Variants in RBFOX3 observed in about 807,000 individuals in gnomAD.
RBFOX3 encodes the protein RNA binding protein fox-1 homolog 3.
RBFOX3 carries 17 observed loss-of-function variants against 48.7 expected under a neutral mutation model. The observed-to-expected ratio is 0.35, with a 90% CI of 0.24 to 0.52. RBFOX3 has a LOEUF of 0.52. Ranked by LOEUF, RBFOX3 falls within the 20% of genes least tolerant of loss-of-function variation. RBFOX3 has a pLI of 0.94. For synonymous variants in RBFOX3, 212 were observed against 209.5 expected, an observed-to-expected ratio of 1.01 and a Z score of -0.10; for missense variants, 382 against 497.5, an observed-to-expected ratio of 0.77 and a Z score of 2.21.
Position 79,290,963 on chromosome 17 carries a change from C to T in RBFOX3, c.-74+16761G>A, listed in dbSNP as rs74912246. On this transcript the variant is annotated intron_variant, in intron 3 of 14. Transcript: ENST00000693108. The stretch of plus-strand genomic sequence containing the variant: ...AGGCAGCTCAGCTCAGCTCAGCCTG[C>T]GTGGCTCTCTGCCTTTCTGGAAGGA... 4.6e-3 allele frequency among the ~76,000 whole-genome samples: 703 copies of T among 152,290 alleles called. 8 individuals carry two copies. Among genetic ancestry groups the T allele is most frequent in the African/African-American group, 0.016 (651 of 41,568 alleles).
chr17:79,252,656 C>T lies in RBFOX3; in HGVS notation c.-73-16851G>A, dbSNP rs75652527. Among the ~76,000 whole-genome samples the T allele has an allele frequency of 6.9e-3, 1,044 of 152,298 alleles. 7 individuals carry two copies. Among genetic ancestry groups the T allele is most frequent in the African/African-American group, 0.024 (980 of 41,560 alleles). ...GCCACCCATCCAGCTCGTTTCAAGC[C>T]GCTACGTTTGTTTGCGACGGCGGCA... On this transcript the variant is annotated intron_variant, in intron 3 of 14. Transcript: ENST00000693108. This position sits in a 1 kb window ranked among gnomAD's most constrained non-coding sequence, Gnocchi z 4.0.
chr17:79,095,921 C>G (rs1483543579), intron 12 of RBFOX3, among the ~76,000 whole-genome samples: 2 of 152,218 alleles, frequency 1.3e-5, no homozygotes, highest in African/African-American at 4.8e-5. Flanking sequence ...GGTGCTAGGC[C>G]TTGGCAAGGA....
At chr17:79,470,657 T>C (rs2076952710) in intron 2 of RBFOX3, among the ~76,000 whole-genome samples, 1 of 151,550 alleles carries the variant, frequency 6.6e-6, no homozygotes, top group Middle Eastern at 3.4e-3. Flanking sequence ...AGCCCACGCA[T>C]GTGCCTCCTC....
At chr17:79,454,064 G>A (rs1439269867) in intron 2 of RBFOX3, among the ~76,000 whole-genome samples, 2 of 152,120 alleles carry the variant, frequency 1.3e-5, no homozygotes, top group African/African-American at 4.8e-5. Flanking sequence ...TTGCACAGGA[G>A]GGCACCTCTC....
rs1262141145 is a variant in RBFOX3, at chr17:79,103,591, C to A, written c.415-337G>T. Among the ~76,000 whole-genome samples, 1 of 152,186 alleles carries A rather than the reference C, an allele frequency of 6.6e-6. No homozygotes were observed. The highest frequency in any genetic ancestry group is 1.5e-5 in the Non-Finnish European group (1 of 68,030). The stretch of plus-strand genomic sequence containing the variant: ...CCACAGGCCAGGCCTGCCCCCTGAA[C>A]CCCACCTTGGGGTAGGGGGCCCAGG... On this transcript the variant is annotated intron_variant, in intron 7 of 14. Coordinates refer to ENST00000693108, the MANE Select transcript of RBFOX3 (RefSeq NM_001350451.2). This position sits in a 1 kb window ranked among gnomAD's most constrained non-coding sequence, Gnocchi z 6.1.
chr17:79,166,230 G>A (rs561946149), intron 4 of RBFOX3, among the ~76,000 whole-genome samples: 1 of 149,578 alleles, frequency 6.7e-6, no homozygotes, highest in South Asian at 2.2e-4. Context: ...ACCAGTGTGG[G>A]AGGGGCTCCT....
the RBFOX3 span, among the ~76,000 whole-genome samples, chr17:79,620,203 G>GCC: frequency 7.1e-6 from 1 of 140,364 alleles, no homozygotes. Context: ...GCACACACGT[G>GCC]CACATGCACA....
chr17:79,625,961 A>G, the RBFOX3 span, among the ~76,000 whole-genome samples: 3 of 152,180 alleles, frequency 2.0e-5, no homozygotes, highest in African/African-American at 7.2e-5. Flanking sequence ...TGGGGGGACG[A>G]GGTGCTGTTT....
intron 1 of RBFOX3, among the ~76,000 whole-genome samples, chr17:79,567,112 T>C (rs922460039): frequency 3.3e-5 from 5 of 151,978 alleles, no homozygotes; most frequent in Non-Finnish European, 5.9e-5. Context: ...TCTGCTTCCA[T>C]GAGCTCAACT....
chr17:79,105,481 C>G (rs951344673), intron 6 of RBFOX3, among the ~76,000 whole-genome samples: 6 of 152,234 alleles, frequency 3.9e-5, no homozygotes, highest in African/African-American at 1.4e-4. Context: ...AACCTGGCAG[C>G]TTGCTCAGGA....
chr17:79,282,785 A>C (rs979593292), intron 3 of RBFOX3, among the ~76,000 whole-genome samples: 4 of 152,218 alleles, frequency 2.6e-5, no homozygotes, highest in Admixed American at 6.5e-5. Context: ...ATCAGTCCAA[A>C]GTGTGAGGGC....
In RBFOX3 at chr17:79,166,158, C is replaced by A. The variant is rs577203606; in HGVS notation, c.-33-50410G>T. Among the ~76,000 whole-genome samples, 82 of 152,310 alleles carry A rather than the reference C, an allele frequency of 5.4e-4. 1 individual carries two copies. The highest frequency in any genetic ancestry group is 1.9e-3 in the African/African-American group (78 of 41,582). ...CCACGCCCACCCCTCCTGTTCCCCCCCCGGGCAGGTAAGGGCGAACCTTGG... is the reference window on the plus strand; with the variant it reads ...CCACGCCCACCCCTCCTGTTCCCCCACCGGGCAGGTAAGGGCGAACCTTGG... On this transcript the variant is annotated intron_variant, in intron 4 of 14. Coordinates refer to ENST00000693108, the MANE Select transcript of RBFOX3 (RefSeq NM_001350451.2).
chr17:79,330,231 C>T (rs1234966695), intron 2 of RBFOX3, among the ~76,000 whole-genome samples: 1 of 152,192 alleles, frequency 6.6e-6, no homozygotes, highest in African/African-American at 2.4e-5. Context: ...CCCCCTGACC[C>T]CCGGTAGAGT....
chr17:79,221,634 G>A (rs939106332), intron 4 of RBFOX3, among the ~76,000 whole-genome samples: 14 of 152,188 alleles, frequency 9.2e-5, no homozygotes, highest in African/African-American at 2.7e-4. Context: ...ATTCATGATC[G>A]TCTTCAGTGA....
intron 3 of RBFOX3, among the ~76,000 whole-genome samples, chr17:79,271,407 G>A (rs2067674580): frequency 6.6e-6 from 1 of 152,230 alleles, no homozygotes; most frequent in South Asian, 2.1e-4. Context: ...AGGTGGGACA[G>A]CAGAGCATTA....
intron 14 of RBFOX3, chr17:79,091,835 C>T (rs2073971064): frequency 1.8e-6 from 1 of 548,362 alleles, no homozygotes; most frequent in African/African-American, 2.0e-5. Context: ...CCAGGACGTG[C>T]CTTTCCACAT....
At chr17:79,625,858 C>A in the RBFOX3 span, among the ~76,000 whole-genome samples, 1 of 152,220 alleles carries the variant, frequency 6.6e-6, no homozygotes, top group Non-Finnish European at 1.5e-5. Flanking sequence ...CGCCCACACA[C>A]GTGCGCAGAC....
intron 1 of RBFOX3, among the ~76,000 whole-genome samples, chr17:79,545,371 A>G (rs76803847): frequency 0.041 from 6,190 of 152,264 alleles, 294 homozygotes; most frequent in African/African-American, 0.12. Flanking sequence ...GGAAGGCTCC[A>G]CAGCAACATG....
the RBFOX3 span, among the ~76,000 whole-genome samples, chr17:79,641,484 A>T: frequency 2.6e-5 from 4 of 152,222 alleles, no homozygotes; most frequent in African/African-American, 9.6e-5. Context: ...TTTCTCAAAG[A>T]GACAACTGCA....
Sources: gnomAD v4.1 joint callset for allele counts (sites outside exome capture counted in the v4.1 genomes callset) on GRCh38, gnomAD v4.1.1 for gene constraint, Gnocchi (gnomAD v3.1) non-coding constraint, MANE v1.5 for transcripts, NCBI Gene and HGNC (gene_info 2026-07-23, HGNC 2026-07-21) for gene names.